The following FAT3 variants were observed in gnomAD, a reference collection of about 807,000 sequenced individuals.
The protein encoded by FAT3 is protocadherin Fat 3.
FAT3 carries 95 observed loss-of-function variants against 310.2 expected under a neutral mutation model. The observed-to-expected ratio is 0.31, with a 90% CI of 0.26 to 0.36. FAT3 has a LOEUF of 0.36. Ranked by LOEUF, FAT3 falls within the 10% of genes least tolerant of loss-of-function variation. FAT3 has a pLI of 1.00. For missense variants in FAT3, 5,408 were observed against 5,715.6 expected (o/e 0.95, Z 1.74); for synonymous variants, 2,314 against 2,192.9 (o/e 1.06, Z -1.54).
chr11:92,231,319 A>G (rs1864172585), intron 1 of FAT3, among the ~76,000 whole-genome samples: 1 of 152,198 alleles, frequency 6.6e-6, no homozygotes, highest in Non-Finnish European at 1.5e-5. Context: ...TTTACCTTAA[A>G]AAAATTTGTA....
intron 1 of FAT3, among the ~76,000 whole-genome samples, chr11:92,270,184 T>C (rs1211842458): frequency 1.3e-5 from 2 of 152,134 alleles, no homozygotes; most frequent in Non-Finnish European, 2.9e-5. Flanking sequence ...TAAAATACTT[T>C]ATATTCTGGA....
chr11:92,438,646 T>G (rs1032181243), intron 2 of FAT3, among the ~76,000 whole-genome samples: 5 of 152,148 alleles, frequency 3.3e-5, no homozygotes, highest in Admixed American at 6.6e-5. Context: ...TAATACAAAG[T>G]AGAGATTTGA....
chr11:92,652,458 G>A (rs1418651523), intron 3 of FAT3, among the ~76,000 whole-genome samples: 5 of 152,158 alleles, frequency 3.3e-5, no homozygotes, highest in African/African-American at 9.7e-5. Context: ...ATAAATTTAC[G>A]GAAAAATCTG....
At chr11:92,230,449 A>T (rs895779931) in intron 1 of FAT3, among the ~76,000 whole-genome samples, 3 of 132,418 alleles carry the variant, frequency 2.3e-5, no homozygotes, top group Admixed American at 1.5e-4. Context: ...GCACACCACC[A>T]TGCCCTCTTA....
intron 3 of FAT3, among the ~76,000 whole-genome samples, chr11:92,623,247 C>A (rs144658604): frequency 9.5e-4 from 145 of 152,312 alleles, no homozygotes; most frequent in African/African-American, 3.3e-3. Context: ...ATGCTTCCCC[C>A]AGTGACCTGT....
At chr11:92,694,494 A>G (rs1220734919) in intron 3 of FAT3, among the ~76,000 whole-genome samples, 1 of 152,168 alleles carries the variant, frequency 6.6e-6, no homozygotes, top group Non-Finnish European at 1.5e-5. Context: ...AGGTGAAGGT[A>G]TGAAGGTGAA....
intron 3 of FAT3, among the ~76,000 whole-genome samples, chr11:92,578,436 C>G (rs1938607576): frequency 1.3e-5 from 2 of 152,030 alleles, no homozygotes; most frequent in South Asian, 4.2e-4. Context: ...ATCATTTTAC[C>G]AAACAAAAAC....
At chr11:92,512,873 AG>A (rs1389895346) in intron 2 of FAT3, among the ~76,000 whole-genome samples, 5,169 of 96,238 alleles carry the variant, frequency 0.054, 324 homozygotes, top group Middle Eastern at 0.083. Context: ...CTGTAATCCC[AG>A]CACTTTGGGA....
chr11:92,339,839 C>T (rs538913226), intron 1 of FAT3, among the ~76,000 whole-genome samples: 164 of 152,072 alleles, frequency 1.1e-3, no homozygotes, highest in Non-Finnish European at 1.8e-3. Context: ...AGGGGCCAGG[C>T]GCGGTGGCTC....
intron 21 of FAT3, among the ~76,000 whole-genome samples, chr11:92,866,281 ACT>A: frequency 6.6e-6 from 1 of 152,158 alleles, no homozygotes; most frequent in African/African-American, 2.4e-5. Flanking sequence ...AGAGATGATA[ACT>A]CTATTCACTC....
rs530226936 is a variant in FAT3 at position 92,494,576 on chromosome 11, TA to T, written c.3293-30056del. Among the ~76,000 whole-genome samples the T allele has an allele frequency of 3.2e-3, 490 of 152,174 alleles. 3 individuals carry two copies. The highest frequency in any genetic ancestry group is 0.011 in the African/African-American group (461 of 41,554). ...GGGTACTTTTATGCATCTTCTTATT[TA>T]ATTTTTAATAACTGTAGCATAAGAG... is the stretch of plus-strand genomic sequence containing the variant. On this transcript the variant is annotated intron_variant, in intron 2 of 27. Coordinates refer to ENST00000525166, the MANE Select transcript of FAT3 (RefSeq NM_001367949.2).
chr11:92,633,306 C>CT lies in FAT3; in HGVS notation c.3608-64068dup, dbSNP rs967639417. Among the ~76,000 whole-genome samples, 680 of 148,988 alleles carry CT rather than the reference C, an allele frequency of 4.6e-3. 3 individuals are homozygous for CT. Among genetic ancestry groups the CT allele is most frequent in the Middle Eastern group, 0.025 (7 of 284 alleles). On this transcript the variant is annotated intron_variant, in intron 3 of 27. Coordinates refer to ENST00000525166, the MANE Select transcript of FAT3 (RefSeq NM_001367949.2). ...AGTCCTAGTTTCACTTGGGCTCAGT[C>CT]TTTTTTTTTTATCTGATGGATGTCC...
intron 8 of FAT3, among the ~76,000 whole-genome samples, chr11:92,790,643 C>G (rs1009019874): frequency 1.3e-5 from 2 of 152,182 alleles, no homozygotes; most frequent in African/African-American, 4.8e-5. Flanking sequence ...ATTTACAAAA[C>G]CAATTTATTA....
chr11:92,872,378 C>A (rs569396267), intron 22 of FAT3, among the ~76,000 whole-genome samples: 5 of 152,220 alleles, frequency 3.3e-5, no homozygotes, highest in African/African-American at 9.7e-5. Flanking sequence ...GAACAGGGTT[C>A]CCCTACATGC....
chr11:92,637,181 G>C (rs905213567), intron 3 of FAT3, among the ~76,000 whole-genome samples: 1 of 152,190 alleles, frequency 6.6e-6, no homozygotes, highest in Non-Finnish European at 1.5e-5. Flanking sequence ...AAAGCTGATA[G>C]CCTGTTGAGA....
At chr11:92,239,377 T>G (rs1372241444) in intron 1 of FAT3, among the ~76,000 whole-genome samples, 1 of 152,118 alleles carries the variant, frequency 6.6e-6, no homozygotes, top group Non-Finnish European at 1.5e-5. Flanking sequence ...AAATATGGTT[T>G]GAGTTTCTAA....
In FAT3 at chr11:92,846,383, T is replaced by C. The variant is rs575466448; in HGVS notation, c.11365+1651T>C. On this transcript the variant is annotated intron_variant, in intron 19 of 27. Transcript: ENST00000525166. ...ATTGTAAAGTCAGCTTGCAAGCACC[T>C]ACTTGCTGTAACAGTGCTACAGTAA... Among the ~76,000 whole-genome samples the C allele has an allele frequency of 1.8e-4, 27 of 152,280 alleles. No homozygotes were observed. In the South Asian group the frequency reaches 5.4e-3, roughly 30 times the overall value.
chr11:92,659,709 G>T (rs1454453614), intron 3 of FAT3, among the ~76,000 whole-genome samples: 1 of 152,214 alleles, frequency 6.6e-6, no homozygotes, highest in Non-Finnish European at 1.5e-5. Flanking sequence ...GTGAGAAGCT[G>T]ATGGTAGAAG....
intron 2 of FAT3, among the ~76,000 whole-genome samples, chr11:92,455,521 A>T (rs570721113): frequency 6.6e-6 from 1 of 152,326 alleles, no homozygotes; most frequent in Admixed American, 6.5e-5. Context: ...CTGAGCAGAC[A>T]AGAAAAACAC....
Sources: allele counts gnomAD v4.1 joint callset (sites outside exome capture counted in the v4.1 genomes callset), GRCh38; gene constraint gnomAD v4.1.1; transcripts MANE v1.5; gene names NCBI Gene and HGNC (gene_info 2026-07-23, HGNC 2026-07-21).